PLXNA4: variants seen among roughly 807,000 people sequenced by gnomAD.
PLXNA4 encodes plexin A4.
Under a neutral mutation model 191.8 loss-of-function variants are expected in PLXNA4, and 44 were observed. The observed-to-expected ratio is 0.23, with a 90% CI of 0.18 to 0.29. The LOEUF is 0.29. PLXNA4 is among the 10% of genes least tolerant of loss of function. PLXNA4 has a pLI of 1.00. For missense variants in PLXNA4, 1,800 were observed against 2,488.8 expected (o/e 0.72, Z 5.89); for synonymous variants, 1,082 against 1,009.5 (o/e 1.07, Z -1.36).
chr7:132,435,965 T>C (rs1795455867), intron 3 of PLXNA4, among the ~76,000 whole-genome samples: 1 of 152,196 alleles, frequency 6.6e-6, no homozygotes, highest in Non-Finnish European at 1.5e-5. Flanking sequence ...GTACTAATAT[T>C]CTCTAAATTA....
intron 3 of PLXNA4, among the ~76,000 whole-genome samples, chr7:132,459,488 T>G (rs544047797): frequency 6.6e-6 from 1 of 152,282 alleles, no homozygotes; most frequent in East Asian, 1.9e-4. Context: ...ACAGTCAATT[T>G]GATTTTGTGG....
chr7:132,395,532 G>A (rs565425972), intron 3 of PLXNA4, among the ~76,000 whole-genome samples: 10 of 152,326 alleles, frequency 6.6e-5, no homozygotes, highest in Middle Eastern at 3.4e-3. Flanking sequence ...AGGCTGGCAC[G>A]TGCGTCCCAC....
At chr7:132,218,593 A>G (rs977146853) in intron 9 of PLXNA4, among the ~76,000 whole-genome samples, 2 of 152,212 alleles carry the variant, frequency 1.3e-5, no homozygotes, top group African/African-American at 4.8e-5. Flanking sequence ...TTCCTCAAGC[A>G]TCATCTTTAA....
At chr7:132,645,057 G>A (rs1335587706) in intron 2 of PLXNA4, among the ~76,000 whole-genome samples, 1 of 152,226 alleles carries the variant, frequency 6.6e-6, no homozygotes, top group Non-Finnish European at 1.5e-5. Flanking sequence ...AGGTGTGTCA[G>A]CTTAGTTTGC....
At chr7:132,434,370 C>G (rs1475676721) in intron 3 of PLXNA4, among the ~76,000 whole-genome samples, 1 of 152,180 alleles carries the variant, frequency 6.6e-6, no homozygotes, top group Non-Finnish European at 1.5e-5. Context: ...CATGCCTGTC[C>G]CAGCTGCCCA....
chr7:132,145,090 G>T, intron 29 of PLXNA4, 29 bp downstream of exon 29: 1 of 1,613,438 alleles, frequency 6.2e-7, no homozygotes, highest in Non-Finnish European at 8.5e-7. Context: ...CAGGGCTCCC[G>T]ATGTGCCCCC....
chr7:132,169,210 T>G (rs376807133), intron 21 of PLXNA4, among the ~76,000 whole-genome samples: 1 of 152,256 alleles, frequency 6.6e-6, no homozygotes, highest in African/African-American at 2.4e-5. Flanking sequence ...TAGCATTTGC[T>G]GTTTTCTTAG....
intron 24 of PLXNA4, among the ~76,000 whole-genome samples, chr7:132,162,987 C>T (rs778348573): frequency 6.6e-5 from 10 of 152,146 alleles, no homozygotes; most frequent in Non-Finnish European, 1.5e-4. Context: ...ACTACAATGC[C>T]CCAGCCTGCT....
intron 1 of PLXNA4, among the ~76,000 whole-genome samples, chr7:132,531,896 G>A (rs1257871170): frequency 6.6e-6 from 1 of 152,154 alleles, no homozygotes; most frequent in Non-Finnish European, 1.5e-5. Context: ...AGCCCAGGGA[G>A]GACACTTTGA....
chr7:132,621,589 G>T (rs1465590659), intron 2 of PLXNA4, among the ~76,000 whole-genome samples: 1 of 152,096 alleles, frequency 6.6e-6, no homozygotes, highest in Non-Finnish European at 1.5e-5. Context: ...TTGCTGCAAA[G>T]GTATCTTATT....
At chr7:132,472,093 G>T (rs1027567713) in intron 3 of PLXNA4, among the ~76,000 whole-genome samples, 1 of 152,106 alleles carries the variant, frequency 6.6e-6, no homozygotes, top group Non-Finnish European at 1.5e-5. Context: ...CTCCATTATC[G>T]TCTACAAGCC....
At chr7:132,554,619 G>T (rs544976519) in intron 1 of PLXNA4, among the ~76,000 whole-genome samples, 1 of 152,174 alleles carries the variant, frequency 6.6e-6, no homozygotes, top group South Asian at 2.1e-4. Flanking sequence ...AATCGAGCAC[G>T]CTCTGAACCA....
upstream of PLXNA4, among the ~76,000 whole-genome samples, chr7:132,577,587 T>C (rs958846538): frequency 6.6e-6 from 1 of 151,946 alleles, no homozygotes; most frequent in African/African-American, 2.4e-5. Flanking sequence ...GCTTGCCGGC[T>C]CTCCTCCGCA....
chr7:132,319,919 C>T (rs1377087132), intron 3 of PLXNA4, among the ~76,000 whole-genome samples: 1 of 152,218 alleles, frequency 6.6e-6, no homozygotes, highest in Non-Finnish European at 1.5e-5. Flanking sequence ...CAGGGCAGTG[C>T]CATGCTTCCC....
At chr7:132,175,982 A>C (rs1277258266) in intron 20 of PLXNA4, among the ~76,000 whole-genome samples, 1 of 152,244 alleles carries the variant, frequency 6.6e-6, no homozygotes, top group East Asian at 1.9e-4. Context: ...ATGTGGCTCT[A>C]GAGCCTCAAA....
intron 2 of PLXNA4, among the ~76,000 whole-genome samples, chr7:132,643,950 T>G (rs1021580301): frequency 6.6e-6 from 1 of 151,214 alleles, no homozygotes; most frequent in Non-Finnish European, 1.5e-5. Flanking sequence ...CCCTGTCTCT[T>G]AAAAAAAAAG....
chr7:132,510,278 C>T (rs192193904), intron 1 of PLXNA4, among the ~76,000 whole-genome samples: 118 of 152,254 alleles, frequency 7.8e-4, no homozygotes, highest in African/African-American at 2.6e-3. Context: ...AGGGAGCAAA[C>T]GCTAGGTCAG....
intron 23 of PLXNA4, 67 bp downstream of exon 23, chr7:132,165,067 C>T (rs938043614): frequency 1.7e-5 from 26 of 1,573,938 alleles, no homozygotes; most frequent in South Asian, 3.5e-5. Context: ...GGGTGTGGAG[C>T]GATCCCCAGT....
chr7:132,587,425 G>C (rs1042529262), intron 2 of PLXNA4, among the ~76,000 whole-genome samples: 3 of 152,200 alleles, frequency 2.0e-5, no homozygotes, highest in African/African-American at 4.8e-5. Context: ...ATTGTCTTGA[G>C]TGGTAGTGAG....
Sources: gnomAD v4.1 joint callset for allele counts (sites outside exome capture counted in the v4.1 genomes callset) on GRCh38, gnomAD v4.1.1 for gene constraint, MANE v1.5 for transcripts, NCBI Gene and HGNC (gene_info 2026-07-23, HGNC 2026-07-21) for gene names.